Variants in CPEB2 observed in about 807,000 individuals in gnomAD.
The protein encoded by CPEB2 is cytoplasmic polyadenylation element binding protein 2.
In CPEB2, 56 loss-of-function variants were observed where a neutral mutation model predicts 93.6. The observed-to-expected ratio is 0.60, with a 90% confidence interval of 0.48 to 0.75. The LOEUF is 0.75. Ranked by LOEUF, CPEB2 falls within the 30% of genes least tolerant of loss-of-function variation. The probability of loss-of-function intolerance (pLI) is 0.00; values close to 1 mark genes in which losing one functional copy is unlikely to be tolerated. For missense variants in CPEB2, 1,579 were observed against 1,395.1 expected, an observed-to-expected ratio of 1.13 and a Z score of -2.10; for synonymous variants, 764 against 586.3, an observed-to-expected ratio of 1.30 and a Z score of -4.38.
In CPEB2 at chr4:15,004,306, C is replaced by A. The variant is rs775230444; in HGVS notation, c.1633C>A (p.Gln545Lys). The part of the protein sequence containing the change: ...QHQAAAAAFL[Q>K]QRNSYNHHQP... ...CCAGGCGGCGGCCGCCGCCTTCCTG[C>A]AGCAGAGGAACTCCTATAACCACCA... Residue 545 changes from glutamine to lysine, a missense_variant, in exon 1 of 12, where the codon CAG becomes AAG. Coordinates refer to ENST00000538197, the MANE Select transcript of CPEB2 (RefSeq NM_001177382.2). 2.8e-5 allele frequency: 42 copies of A among 1,491,618 alleles called. No individual in the cohort carries two copies. Among genetic ancestry groups the A allele is most frequent in the Non-Finnish European group, 3.5e-5 (40 of 1,128,752 alleles). 92.4% of individuals were successfully genotyped at this position (1,491,618 alleles called of 1,614,324 possible).
At chr4:15,016,059 C>T (rs969458144) in intron 3 of CPEB2, among the ~76,000 whole-genome samples, 1 of 152,014 alleles carries the variant, frequency 6.6e-6, no homozygotes, top group East Asian at 1.9e-4. Flanking sequence ...TCTGGTCTCT[C>T]TTGAAGCTAA....
At chr4:15,005,911 G>A (rs554329232) in intron 1 of CPEB2, among the ~76,000 whole-genome samples, 11 of 152,316 alleles carry the variant, frequency 7.2e-5, no homozygotes, top group Middle Eastern at 3.4e-3. Context: ...CTTGCCCACA[G>A]AAAATTATCT....
At chr4:15,028,209 T>C (rs1168873118) in intron 4 of CPEB2, among the ~76,000 whole-genome samples, 2 of 152,078 alleles carry the variant, frequency 1.3e-5, no homozygotes, top group Admixed American at 6.6e-5. Context: ...AAAAATAGTT[T>C]AGAGAAGGGA....
In CPEB2 at chr4:15,003,998, G is replaced by C. The variant is rs1722414759; in HGVS notation, c.1325G>C (p.Ser442Thr). ...TCGCTCAGCGCCATGCCGCCGCCCAGCCCCGACTCAGAGAACGGCTTCTAC... is the reference window on the plus strand; with the variant it reads ...TCGCTCAGCGCCATGCCGCCGCCCACCCCCGACTCAGAGAACGGCTTCTAC... ...GGSLSAMPPPSPDSENGFYPG... is the reference protein window; with the variant it reads ...GGSLSAMPPPTPDSENGFYPG... Residue 442 changes from serine (S) to threonine (T), a missense_variant, in exon 1 of 12, where the codon AGC becomes ACC. By Grantham distance (58) the Ser-to-Thr change is moderately conservative. Coordinates refer to ENST00000538197, the MANE Select transcript of CPEB2 (RefSeq NM_001177382.2). 1 of 1,542,084 alleles carries C rather than the reference G, an allele frequency of 6.5e-7. No homozygotes were observed. Among genetic ancestry groups the C allele is most frequent in the Non-Finnish European group, 8.7e-7 (1 of 1,147,448 alleles).
At chr4:15,022,480 A>G (rs1035883170) in intron 4 of CPEB2, among the ~76,000 whole-genome samples, 1 of 152,106 alleles carries the variant, frequency 6.6e-6, no homozygotes, top group Admixed American at 6.6e-5. Context: ...AAAATCACAT[A>G]TATTAGATAC....
At chr4:15,005,681 A>G (rs1487375830) in intron 1 of CPEB2, among the ~76,000 whole-genome samples, 1 of 152,222 alleles carries the variant, frequency 6.6e-6, no homozygotes, top group Non-Finnish European at 1.5e-5. Flanking sequence ...AGTGAATATT[A>G]TCTAAATTAA....
At chr4:15,004,407 G>A in intron 1 of CPEB2, 72 bp downstream of exon 1, 6 of 1,169,356 alleles carry the variant, frequency 5.1e-6, no homozygotes, top group Non-Finnish European at 6.8e-6. Context: ...GCGGGGGCAG[G>A]GCAGCCGGGG....
At chr4:15,043,455 T>C (rs930582386) in intron 6 of CPEB2, among the ~76,000 whole-genome samples, 2 of 152,126 alleles carry the variant, frequency 1.3e-5, no homozygotes, top group African/African-American at 4.8e-5. Flanking sequence ...ACGGTTCATA[T>C]GGGGAGCTGA....
chr4:15,053,156 A>G (rs1336332801), intron 7 of CPEB2, among the ~76,000 whole-genome samples: 1 of 151,958 alleles, frequency 6.6e-6, no homozygotes, highest in African/African-American at 2.4e-5. Flanking sequence ...AGCTGGGACT[A>G]CAGGCGCCCG....
intron 3 of CPEB2, among the ~76,000 whole-genome samples, chr4:15,013,613 T>C (rs930046818): frequency 2.2e-4 from 33 of 152,074 alleles, no homozygotes; most frequent in Admixed American, 7.9e-4. Flanking sequence ...TTTCTGTTTT[T>C]TCAGAAGTCA....
At chr4:15,056,226 G>A (rs753068791) in intron 8 of CPEB2, among the ~76,000 whole-genome samples, 8 of 152,112 alleles carry the variant, frequency 5.3e-5, no homozygotes, top group Non-Finnish European at 1.2e-4. Flanking sequence ...AAGCTTCACT[G>A]AGAGGTTTGG....
At position 15,002,842 on chromosome 4, in the gene CPEB2, G is replaced by A. The variant is rs1303767924; in HGVS notation, c.169G>A (p.Gly57Ser). 8.5e-6 allele frequency: 13 copies of A among 1,535,096 alleles called. No homozygotes were observed. Among genetic ancestry groups the A allele is most frequent in the Non-Finnish European group, 1.1e-5 (13 of 1,146,538 alleles). The change falls in exon 1 of 12, where the codon GGC becomes AGC. Residue 57 changes from glycine to serine, a missense_variant. Coordinates refer to ENST00000538197, the MANE Select transcript of CPEB2 (RefSeq NM_001177382.2). ...PLSPPPLPVT[G>S]FLEAASPFSV... The stretch of plus-strand genomic sequence containing the variant: ...GTCGCCACCACCGTTGCCTGTCACC[G>A]GCTTCTTAGAGGCCGCCTCCCCCTT...
At chr4:15,054,496 A>C (rs939293101) in intron 8 of CPEB2, among the ~76,000 whole-genome samples, 5 of 152,260 alleles carry the variant, frequency 3.3e-5, no homozygotes, top group Non-Finnish European at 5.9e-5. Flanking sequence ...TGAACAGTTG[A>C]AATATCAGAT....
In CPEB2 at chr4:15,066,544, G is replaced by T; in HGVS notation, c.*164G>T. On this transcript the variant is annotated 3_prime_UTR_variant, in exon 12 of 12. Transcript: ENST00000538197. ...GCAGCCAAAACACTACAAGCCTCTT[G>T]TTTTTCACCAAAACCCTACATCTCA... The T allele has an allele frequency of 7.2e-6, 4 of 557,876 alleles. No individual in the cohort carries two copies. Among genetic ancestry groups the T allele is most frequent in the South Asian group, 2.5e-5 (1 of 39,784 alleles). The allele number at this position is 557,876 out of a possible 1,614,324, so 34.6% of individuals were successfully genotyped here. A position where few individuals can be genotyped will look rare whatever the true frequency, so the allele number is the denominator to read the frequency against.
At chr4:15,030,158 T>G (rs993288493) in intron 4 of CPEB2, among the ~76,000 whole-genome samples, 8 of 151,826 alleles carry the variant, frequency 5.3e-5, no homozygotes, top group Non-Finnish European at 1.2e-4. Context: ...AGTAATGTGG[T>G]TTTTTTTCTA....
chr4:15,059,624 T>G (rs949663116), intron 10 of CPEB2, among the ~76,000 whole-genome samples: 3 of 152,178 alleles, frequency 2.0e-5, no homozygotes, highest in African/African-American at 7.2e-5. Flanking sequence ...GGTCTGTTTA[T>G]TTTGTGTAGA....
chr4:15,027,563 T>C (rs996778043), intron 4 of CPEB2, among the ~76,000 whole-genome samples: 1 of 152,250 alleles, frequency 6.6e-6, no homozygotes, highest in Non-Finnish European at 1.5e-5. Flanking sequence ...AAGTGGATTT[T>C]ACCAGACTTC....
rs548168135 is a variant in CPEB2, at chr4:15,008,730, CTT to C, written c.2034+306_2034+307del. ...CAGTCAAACTAAGCAGATTGTATCT[CTT>C]TTCAGAATTAAATGCAATTAGGTAC... On this transcript the variant is annotated intron_variant, in intron 3 of 11. Coordinates refer to ENST00000538197, the MANE Select transcript of CPEB2 (RefSeq NM_001177382.2). Among the ~76,000 whole-genome samples the C allele has an allele frequency of 2.9e-3, 447 of 152,276 alleles. 5 individuals carry two copies. The highest frequency in any genetic ancestry group is 0.011 in the African/African-American group (442 of 41,562).
rs536791663 is a variant in CPEB2, at chr4:15,063,002, T to A, written c.2877+742T>A. The stretch of plus-strand genomic sequence containing the variant: ...TCTGTGAACAGTTCCTATACATAGC[T>A]AAATATATTATAAAATAATCATGTT... On this transcript the variant is annotated intron_variant, in intron 11 of 11. Coordinates refer to ENST00000538197, the MANE Select transcript of CPEB2 (RefSeq NM_001177382.2). Among the ~76,000 whole-genome samples, 101 of 152,230 alleles carry A rather than the reference T, an allele frequency of 6.6e-4. No individual in the cohort carries two copies. In the South Asian group the frequency reaches 8.9e-3, roughly 13 times the overall value.
Sources: gnomAD v4.1 joint callset for allele counts (sites outside exome capture counted in the v4.1 genomes callset) on GRCh38, gnomAD v4.1.1 for gene constraint, MANE v1.5 for transcripts, NCBI Gene and HGNC (gene_info 2026-07-23, HGNC 2026-07-21) for gene names.